WWC2: variants seen among roughly 807,000 people sequenced by gnomAD.
WWC2 encodes the protein protein WWC2.
In WWC2, 101 loss-of-function variants were observed where a neutral mutation model predicts 138.5. That is an observed-to-expected ratio of 0.73 (90% CI 0.62 to 0.86). The LOEUF (loss-of-function observed/expected upper bound fraction) is 0.86. WWC2 is among the 40% of genes least tolerant of loss of function. WWC2 has a pLI of 0.00. For synonymous variants in WWC2, 558 were observed against 538.4 expected, an observed-to-expected ratio of 1.04 and a Z score of -0.50; for missense variants, 1,420 against 1,419.4, an observed-to-expected ratio of 1.00 and a Z score of -0.01.
At chr4:183,191,279 G>A (rs1030135726) in intron 1 of WWC2, among the ~76,000 whole-genome samples, 1 of 151,952 alleles carries the variant, frequency 6.6e-6, no homozygotes, top group Non-Finnish European at 1.5e-5. Context: ...AAAATGTTTT[G>A]CATTTGAACT....
intron 16 of WWC2, among the ~76,000 whole-genome samples, chr4:183,272,423 C>G (rs1580134606): frequency 6.6e-6 from 1 of 152,190 alleles, no homozygotes; most frequent in East Asian, 1.9e-4. Context: ...CAATATAATT[C>G]ATACATCATA....
At chr4:183,105,998 G>C (rs1456878179) in intron 1 of WWC2, among the ~76,000 whole-genome samples, 6 of 140,118 alleles carry the variant, frequency 4.3e-5, no homozygotes, top group Non-Finnish European at 9.3e-5. Flanking sequence ...TTTTTTTTTT[G>C]ACAAGAGTTT....
intron 11 of WWC2, 24 bp from the exon 12 acceptor site, chr4:183,264,954 G>A: frequency 6.2e-7 from 1 of 1,602,894 alleles, no homozygotes. Context: ...ATTCTGATTA[G>A]TGCTCTCACC....
intron 4 of WWC2, among the ~76,000 whole-genome samples, chr4:183,237,945 A>C (rs1282098382): frequency 1.3e-5 from 2 of 152,078 alleles, no homozygotes; most frequent in African/African-American, 4.8e-5. Flanking sequence ...TGAATAATGA[A>C]TATGCCCAAC....
intron 4 of WWC2, among the ~76,000 whole-genome samples, chr4:183,210,744 A>G (rs2111245092): frequency 6.6e-6 from 1 of 152,346 alleles, no homozygotes; most frequent in Middle Eastern, 3.4e-3. Context: ...CTTCCAGGCT[A>G]CAAACCTGTA....
chr4:183,210,095 A>G (rs1735554368), intron 4 of WWC2, among the ~76,000 whole-genome samples: 2 of 152,162 alleles, frequency 1.3e-5, no homozygotes, highest in South Asian at 4.1e-4. Context: ...CATACCATAA[A>G]TTCTTTATCT....
At chr4:183,189,452 A>AT (rs1320906434) in intron 1 of WWC2, among the ~76,000 whole-genome samples, 1 of 151,730 alleles carries the variant, frequency 6.6e-6, no homozygotes, top group Non-Finnish European at 1.5e-5. Flanking sequence ...AAAAAAAAAA[A>AT]GTTATTTCGA....
Position 183,286,037 on chromosome 4 carries a change from G to A in WWC2, c.3119G>A (p.Arg1040His). 9 of 1,582,498 alleles carry A rather than the reference G, an allele frequency of 5.7e-6. No individual in the cohort carries two copies. Among genetic ancestry groups the A allele is most frequent in the Non-Finnish European group, 7.7e-6 (9 of 1,162,796 alleles). The change falls in exon 20 of 23, where the codon CGC (arginine) becomes CAC (histidine). Residue 1040 changes from arginine to histidine, a missense_variant. Coordinates refer to ENST00000403733, the MANE Select transcript of WWC2 (RefSeq NM_024949.6). ...KSLFVRNSTERRSLRVKRTVC... is the reference protein window; with the variant it reads ...KSLFVRNSTEHRSLRVKRTVC... ...CTGTTTGTGAGAAACTCCACCGAAC[G>A]CCGCAGTTTGAGGGTCAAAAGGGTA...
At chr4:183,247,622 A>AGT (rs1560864709) in intron 6 of WWC2, among the ~76,000 whole-genome samples, 28 of 130,848 alleles carry the variant, frequency 2.1e-4, no homozygotes, top group African/African-American at 9.1e-4. Flanking sequence ...TACTATATAT[A>AGT]CTATATACTA....
At position 183,265,936 on chromosome 4, in the gene WWC2, C is replaced by T. The variant is rs776018564; in HGVS notation, c.2192C>T (p.Pro731Leu). Residue 731 changes from proline (P) to leucine (L), a missense_variant, in exon 14 of 23, where the codon CCT becomes CTT. Transcript: ENST00000403733. ...QLRNLHAFLI[P>L]HTSKVYFRVA... The stretch of plus-strand genomic sequence containing the variant: ...CGAAACCTTCATGCCTTCTTGATAC[C>T]TCATACTTCAAAAGTGTAAGTAAAA... The T allele has an allele frequency of 3.1e-6, 5 of 1,612,226 alleles. No individual in the cohort carries two copies. The East Asian group carries it at 8.9e-5, about 29-fold the overall frequency.
chr4:183,153,217 A>G (rs2111121568), intron 1 of WWC2, among the ~76,000 whole-genome samples: 1 of 152,230 alleles, frequency 6.6e-6, no homozygotes, highest in East Asian at 1.9e-4. Flanking sequence ...ATATGTTTTT[A>G]TGTTTGGGAC....
At position 183,265,948 on chromosome 4, in the gene WWC2, A is replaced by C; in HGVS notation, c.2204A>C (p.Lys735Thr). The C allele has an allele frequency of 2.5e-6, 4 of 1,610,324 alleles. No individual in the cohort carries two copies. The highest frequency in any genetic ancestry group is 3.4e-6 in the Non-Finnish European group (4 of 1,178,042). ...LHAFLIPHTSKVYFRVAVLPS... is the reference protein window; with the variant it reads ...LHAFLIPHTSTVYFRVAVLPS... ...GCCTTCTTGATACCTCATACTTCAA[A>C]AGTGTAAGTAAAATCAGCGAAGATC... Residue 735 changes from lysine to threonine, a missense_variant, in exon 14 of 23, where the codon AAA becomes ACA. Physicochemically the swap from Lys to Thr is moderately conservative, Grantham distance 78 (BLOSUM62 -1). Coordinates refer to ENST00000403733, the MANE Select transcript of WWC2 (RefSeq NM_024949.6).
intron 1 of WWC2, among the ~76,000 whole-genome samples, chr4:183,156,169 G>C (rs1733798399): frequency 6.6e-6 from 1 of 151,938 alleles, no homozygotes; most frequent in Admixed American, 6.6e-5. Context: ...TCGGATTACA[G>C]GTGCCGCTAC....
rs140654740 is a variant in WWC2 at position 183,146,411 on chromosome 4, G to A, written c.131+46789G>A. 4.9e-4 allele frequency among the ~76,000 whole-genome samples: 74 copies of A among 152,338 alleles called. 1 individual carries two copies. In the Middle Eastern group the frequency reaches 0.017, roughly 35 times the overall value. ...CTCTAGATGAGGGCCGTAGGGGGTG[G>A]ATTCAGTTATGGTAAACAGAACAGC... On this transcript the variant is annotated intron_variant, in intron 1 of 22. Coordinates refer to ENST00000403733, the MANE Select transcript of WWC2 (RefSeq NM_024949.6).
chr4:183,309,665 T>C (rs1378461413), intron 21 of WWC2, among the ~76,000 whole-genome samples: 2 of 152,240 alleles, frequency 1.3e-5, no homozygotes, highest in East Asian at 1.9e-4. Flanking sequence ...AAGACAGTTG[T>C]AGATTTCTGA....
intron 1 of WWC2, among the ~76,000 whole-genome samples, chr4:183,172,061 C>T (rs1265540021): frequency 6.6e-6 from 1 of 152,034 alleles, no homozygotes; most frequent in Non-Finnish European, 1.5e-5. Flanking sequence ...TCTCTTTTTT[C>T]CATTGGCTTA....
At chr4:183,262,288 T>G (rs1001854600) in intron 11 of WWC2, among the ~76,000 whole-genome samples, 2 of 152,228 alleles carry the variant, frequency 1.3e-5, no homozygotes, top group Non-Finnish European at 2.9e-5. Flanking sequence ...CTGAGGAGGA[T>G]GATCTGTTCC....
At chr4:183,147,909 C>G (rs1285906646) in intron 1 of WWC2, among the ~76,000 whole-genome samples, 1 of 152,070 alleles carries the variant, frequency 6.6e-6, no homozygotes, top group African/African-American at 2.4e-5. Flanking sequence ...TTTCATTGTT[C>G]AAAATGAATG....
rs370673410 is a variant in WWC2 at position 183,284,371 on chromosome 4, G to A, written c.3029G>A (p.Arg1010Gln). 1.4e-5 allele frequency: 23 copies of A among 1,612,860 alleles called. No individual in the cohort carries two copies. In the African/African-American group the frequency reaches 2.1e-4, roughly 15 times the overall value. Residue 1010 changes from arginine (R) to glutamine (Q), a missense_variant, in exon 19 of 23, where the codon CGG (arginine) becomes CAG (glutamine). Arg to Gln is a conservative substitution (Grantham distance 43). Coordinates refer to ENST00000403733, the MANE Select transcript of WWC2 (RefSeq NM_024949.6). ...VRSQTFSPGE[R>Q]NQYICRLNRS... ...TCACAGACCTTTTCTCCAGGAGAGC[G>A]GAACCAGTACATCTGCAGGGTAAGG...
Sources: gnomAD v4.1 joint callset for allele counts (sites outside exome capture counted in the v4.1 genomes callset) on GRCh38, gnomAD v4.1.1 for gene constraint, MANE v1.5 for transcripts, NCBI Gene and HGNC (gene_info 2026-07-23, HGNC 2026-07-21) for gene names.